Variants in RERE observed in about 807,000 individuals in gnomAD.
RERE encodes arginine-glutamic acid dipeptide repeats protein.
RERE carries 40 observed loss-of-function variants against 146.1 expected under a neutral mutation model. That is an observed-to-expected ratio of 0.27 (90% CI 0.21 to 0.36). The LOEUF (loss-of-function observed/expected upper bound fraction) is 0.36, where lower values mean the gene tolerates loss of function less well. Ranked by LOEUF, RERE falls within the 10% of genes least tolerant of loss-of-function variation. RERE has a pLI of 1.00. For synonymous variants in RERE, 1,003 were observed against 866.0 expected (o/e 1.16, Z -2.78); for missense variants, 1,933 against 2,138.7 (o/e 0.90, Z 1.90).
At chr1:8,425,027 G>A (rs1287694090) in intron 11 of RERE, 2 of 152,416 alleles carry the variant, frequency 1.3e-5, no homozygotes, top group Non-Finnish European at 2.9e-5. Flanking sequence ...TAGGCTGGCA[G>A]AAAGGCTGAA....
rs892441739 is a variant in RERE at position 8,732,416 on chromosome 1, A to G, written c.-144-75975T>C. On this transcript the variant is annotated intron_variant, in intron 1 of 22. Transcript: ENST00000400908. ...CACACTATATGATTCCAACCATAGA[A>G]CTTTCTTTAAAAGGAACTTCAACTT... is the stretch of plus-strand genomic sequence containing the variant. Among the ~76,000 whole-genome samples, 7 of 152,086 alleles carry G rather than the reference A, an allele frequency of 4.6e-5. No homozygotes were observed. The East Asian group carries it at 1.3e-3, about 29-fold the overall frequency.
At chr1:8,408,031 C>T (rs983754449) in intron 12 of RERE, among the ~76,000 whole-genome samples, 2 of 152,114 alleles carry the variant, frequency 1.3e-5, no homozygotes, top group Non-Finnish European at 2.9e-5. Flanking sequence ...CTTCTATGAA[C>T]GCTGGCATTA....
At position 8,815,829 on chromosome 1, in the gene RERE, T is replaced by TTGTGTGTGTGTGTGTGTG. The variant is rs539845789; in HGVS notation, c.-145+1330_-145+1331insCACACACACACACACACA. Among the ~76,000 whole-genome samples the TTGTGTGTGTGTGTGTGTG allele has an allele frequency of 7.5e-4, 112 of 149,962 alleles. 1 individual carries two copies. Among genetic ancestry groups the TTGTGTGTGTGTGTGTGTG allele is most frequent in the South Asian group, 1.5e-3 (7 of 4,726 alleles). ...AGAACAATGAGCCCTCAGCTTGGTA[T>TTGTGTGTGTGTGTGTGTG]TGTGTGTGTGTGTATGTGTGTGTGT... is the stretch of plus-strand genomic sequence containing the variant. On this transcript the variant is annotated intron_variant, in intron 1 of 22. Transcript: ENST00000400908.
chr1:8,525,884 A>G, intron 7 of RERE: 2 of 1,451,134 alleles, frequency 1.4e-6, no homozygotes, highest in South Asian at 1.5e-5. Flanking sequence ...ATGGAGGCAC[A>G]TGCAGTCTCA....
At chr1:8,608,195 A>G (rs1211635533) in intron 4 of RERE, among the ~76,000 whole-genome samples, 1 of 152,018 alleles carries the variant, frequency 6.6e-6, no homozygotes, top group East Asian at 1.9e-4. Flanking sequence ...AGCTGTTCAG[A>G]TATTTTTTCA....
chr1:8,545,285 G>A (rs1222179891), intron 6 of RERE, among the ~76,000 whole-genome samples: 2 of 152,146 alleles, frequency 1.3e-5, no homozygotes, highest in Non-Finnish European at 2.9e-5. Flanking sequence ...CAGTAAAAAA[G>A]GCGTCCCGGA....
At chr1:8,812,385 G>A (rs999845962) in intron 1 of RERE, among the ~76,000 whole-genome samples, 3 of 152,160 alleles carry the variant, frequency 2.0e-5, no homozygotes, top group Non-Finnish European at 4.4e-5. Flanking sequence ...AGTGGCTCAC[G>A]CCTGTAATCC....
intron 1 of RERE, among the ~76,000 whole-genome samples, chr1:8,660,727 C>T (rs1373997141): frequency 6.6e-6 from 1 of 152,132 alleles, no homozygotes; most frequent in Non-Finnish European, 1.5e-5. Flanking sequence ...CTCACTCTGC[C>T]CCCAAAGCTA....
intron 3 of RERE, among the ~76,000 whole-genome samples, chr1:8,619,010 C>G (rs938602734): frequency 2.0e-5 from 3 of 152,116 alleles, no homozygotes; most frequent in Non-Finnish European, 4.4e-5. Context: ...AGAGAAATTC[C>G]AAGTGTTTTT....
chr1:8,623,257 G>A (rs1417740047), intron 3 of RERE, among the ~76,000 whole-genome samples: 1 of 152,100 alleles, frequency 6.6e-6, no homozygotes. Flanking sequence ...GACCAGCCTG[G>A]CCAACATGGT....
intron 2 of RERE, among the ~76,000 whole-genome samples, chr1:8,633,934 GAA>G (rs1198716585): frequency 6.6e-6 from 1 of 151,924 alleles, no homozygotes; most frequent in Non-Finnish European, 1.5e-5. Context: ...GTCAAAGAAA[GAA>G]AAGAGGAAGA....
intron 12 of RERE, among the ~76,000 whole-genome samples, chr1:8,395,215 C>T (rs918627173): frequency 1.1e-4 from 16 of 152,130 alleles, no homozygotes; most frequent in African/African-American, 3.4e-4. Flanking sequence ...GTGGCTCATG[C>T]TTGTAATCTG....
chr1:8,494,328 G>C (rs1187689765), intron 10 of RERE, among the ~76,000 whole-genome samples: 1 of 152,152 alleles, frequency 6.6e-6, no homozygotes, highest in African/African-American at 2.4e-5. Flanking sequence ...CAGAAACAGT[G>C]AAGTACAAAA....
chr1:8,798,215 C>T (rs549624173), intron 1 of RERE, among the ~76,000 whole-genome samples: 11 of 152,040 alleles, frequency 7.2e-5, no homozygotes, highest in African/African-American at 2.7e-4. Flanking sequence ...GCCAACAAGG[C>T]GAAACCCGGT....
intron 1 of RERE, among the ~76,000 whole-genome samples, chr1:8,770,219 G>C (rs1157359926): frequency 1.3e-5 from 2 of 152,136 alleles, no homozygotes; most frequent in Non-Finnish European, 2.9e-5. Context: ...ACCTGTAACG[G>C]AGTAAACATT....
chr1:8,365,782 G>T, intron 13 of RERE, 30 bp downstream of exon 13: 2 of 1,610,956 alleles, frequency 1.2e-6, no homozygotes, highest in Non-Finnish European at 1.7e-6. Flanking sequence ...TCTCCCCTCC[G>T]CCCACTGTGA....
intron 15 of RERE, 117 bp downstream of exon 15, chr1:8,363,939 C>A: frequency 1.1e-6 from 1 of 942,160 alleles, no homozygotes; most frequent in Non-Finnish European, 1.6e-6. Flanking sequence ...CAGCTCCCCT[C>A]CAGGACTTTG....
chr1:8,355,188 C>T, intron 22 of RERE, 68 bp from the exon 23 acceptor site: 1 of 1,533,432 alleles, frequency 6.5e-7, no homozygotes, highest in South Asian at 1.1e-5. Context: ...AGGCTGGAGG[C>T]AACCCCAAAG....
chr1:8,779,696 C>T (rs1417652591), intron 1 of RERE, among the ~76,000 whole-genome samples: 2 of 151,920 alleles, frequency 1.3e-5, no homozygotes, highest in African/African-American at 4.8e-5. Flanking sequence ...TCCATGAGAG[C>T]AGAGATTTTT....
Sources: gnomAD v4.1 joint callset for allele counts (sites outside exome capture counted in the v4.1 genomes callset) on GRCh38, gnomAD v4.1.1 for gene constraint, MANE v1.5 for transcripts, NCBI Gene and HGNC (gene_info 2026-07-23, HGNC 2026-07-21) for gene names.